PADI6: variants seen among roughly 807,000 people sequenced by gnomAD.
The protein encoded by PADI6 is peptidyl arginine deiminase 6.
PADI6 carries 66 observed loss-of-function variants against 78.2 expected under a neutral mutation model. The ratio of observed to expected loss-of-function variants is 0.84; its 90% CI spans 0.69 to 1.04. The LOEUF (loss-of-function observed/expected upper bound fraction) is 1.04. Among genes scored for constraint, PADI6 ranks in the 50% least tolerant of loss-of-function variants. The probability of loss-of-function intolerance (pLI) is 0.00; values close to 1 mark genes in which losing one functional copy is unlikely to be tolerated. For missense variants in PADI6, 854 were observed against 866.1 expected, an observed-to-expected ratio of 0.99 and a Z score of 0.18; for synonymous variants, 397 against 346.9, an observed-to-expected ratio of 1.14 and a Z score of -1.60.
At chr1:17,398,412 G>C (rs1448210501) in intron 14 of PADI6, among the ~76,000 whole-genome samples, 2 of 152,148 alleles carry the variant, frequency 1.3e-5, no homozygotes, top group African/African-American at 4.8e-5. Flanking sequence ...GGGCTCAGCT[G>C]GTCTGGGTTG....
intron 8 of PADI6, among the ~76,000 whole-genome samples, chr1:17,389,933 CTT>C (rs965269341): frequency 1.3e-5 from 2 of 152,166 alleles, no homozygotes; most frequent in Admixed American, 6.5e-5. Flanking sequence ...TAGGTGAAGG[CTT>C]TTTTGTTTTT....
chr1:17,374,211 C>G (rs2074993463), intron 2 of PADI6, among the ~76,000 whole-genome samples: 1 of 152,024 alleles, frequency 6.6e-6, no homozygotes, highest in Non-Finnish European at 1.5e-5. Flanking sequence ...CTCCCTCCCC[C>G]CACACCCTAC....
intron 14 of PADI6, 32 bp from the exon 15 acceptor site, chr1:17,398,654 G>GGCCCCCCC: frequency 5.8e-6 from 1 of 173,478 alleles, no homozygotes. Context: ...TTGCTCCCCC[G>GGCCCCCCC]CCCCCCCCCC....
chr1:17,400,876 C>A (rs1397163124), intron 15 of PADI6, among the ~76,000 whole-genome samples: 1 of 152,068 alleles, frequency 6.6e-6, no homozygotes, highest in African/African-American at 2.4e-5. Flanking sequence ...ACAAAAGATG[C>A]GCAGCAGTCA....
At chr1:17,394,879 T>C in intron 11 of PADI6, 72 bp from the exon 12 acceptor site, 1 of 1,479,948 alleles carries the variant, frequency 6.8e-7, no homozygotes, top group Non-Finnish European at 9.0e-7. Flanking sequence ...GGAGGCAGCA[T>C]GACACCAAGT....
chr1:17,385,225 T>A (rs978328990), intron 6 of PADI6, among the ~76,000 whole-genome samples: 3 of 152,094 alleles, frequency 2.0e-5, no homozygotes, highest in Admixed American at 2.0e-4. Context: ...TGCTCTGAGG[T>A]CTGGTCGTAG....
At chr1:17,379,887 A>G in intron 3 of PADI6, 33 bp from the exon 4 acceptor site, 1 of 1,603,180 alleles carries the variant, frequency 6.2e-7, no homozygotes, top group African/African-American at 1.3e-5. Context: ...TGGCAGGTCA[A>G]GGTGGCTGGG....
chr1:17,395,942 TAAC>T (rs2075242791), intron 13 of PADI6, among the ~76,000 whole-genome samples: 1 of 152,212 alleles, frequency 6.6e-6, no homozygotes, highest in Non-Finnish European at 1.5e-5. Context: ...AAACGGGTGT[TAAC>T]AATGCTAGTG....
rs746610372 is a variant in PADI6 at position 17,382,118 on chromosome 1, C to T, written c.679+26C>T. ...GTGAGTGTTCTTGTGCCAGCTCCAG[C>T]TTTGCCTGCTCTCGACGTGCCAGGC... is the stretch of plus-strand genomic sequence containing the variant. On this transcript the variant is annotated intron_variant, in intron 6 of 15. Transcript: ENST00000619609. The T allele has an allele frequency of 5.6e-6, 9 of 1,611,210 alleles. No homozygotes were observed. The South Asian group carries it at 8.8e-5, about 16-fold the overall frequency.
intron 1 of PADI6, 42 bp from the exon 2 acceptor site, chr1:17,373,014 G>GGTGC (rs2308230): frequency 6.3e-7 from 1 of 1,587,004 alleles, no homozygotes; most frequent in African/African-American, 1.3e-5. Context: ...AGGCTGAGAA[G>GGTGC]GTGTTTGTGC....
chr1:17,388,234 C>T (rs553990496), intron 6 of PADI6, 147 bp from the exon 7 acceptor site: 116 of 678,986 alleles, frequency 1.7e-4, no homozygotes, highest in East Asian at 7.7e-4. Context: ...ATGCTAGAAA[C>T]GGGGATGGCT....
chr1:17,388,904 T>C, intron 8 of PADI6, 24 bp downstream of exon 8: 1 of 1,588,378 alleles, frequency 6.3e-7, no homozygotes, highest in African/African-American at 1.3e-5. Context: ...AGGCTGACTG[T>C]GCCAGGCGGT....
At chr1:17,388,318 C>T (rs1212924337) in intron 6 of PADI6, 63 bp from the exon 7 acceptor site, 2 of 1,425,444 alleles carry the variant, frequency 1.4e-6, no homozygotes, top group Non-Finnish European at 1.9e-6. Context: ...GGTACCTTGA[C>T]CATCAAATGT....
In PADI6 at chr1:17,381,006, T is replaced by G. The variant is rs780936462; in HGVS notation, c.436-41T>G. The G allele has an allele frequency of 3.4e-5, 50 of 1,492,088 alleles. No homozygotes were observed. The Middle Eastern group carries it at 9.1e-4, about 27-fold the overall frequency. The allele number at this position is 1,492,088 out of a possible 1,614,324, so 92.4% of individuals were successfully genotyped here. A position where few individuals can be genotyped will look rare whatever the true frequency, so the allele number is the denominator to read the frequency against. On this transcript the variant is annotated intron_variant, in intron 4 of 15. Transcript: ENST00000619609. The stretch of plus-strand genomic sequence containing the variant: ...GTGCATCCGAGAAACAGAAGATTTA[T>G]TTGGCTCCTTCCTGAGCCAATGTTC...
At chr1:17,372,599 G>A (rs140041530) in intron 1 of PADI6, among the ~76,000 whole-genome samples, 7 of 152,254 alleles carry the variant, frequency 4.6e-5, no homozygotes, top group African/African-American at 1.4e-4. Context: ...CAAGGGCCTT[G>A]GCCTCTCTGT....
intron 10 of PADI6, 38 bp downstream of exon 10, chr1:17,394,120 A>G (rs1191411561): frequency 1.9e-6 from 3 of 1,590,890 alleles, no homozygotes; most frequent in Admixed American, 3.3e-5. Context: ...GCTCAGTCCA[A>G]TCTCTCAGGC....
At chr1:17,372,581 TAGTG>T (rs1367127619) in intron 1 of PADI6, among the ~76,000 whole-genome samples, 1 of 152,108 alleles carries the variant, frequency 6.6e-6, no homozygotes, top group Admixed American at 6.5e-5. Flanking sequence ...CATGGACTCT[TAGTG>T]AGGCAAGGGC....
At chr1:17,379,665 G>A (rs1441518000) in intron 3 of PADI6, among the ~76,000 whole-genome samples, 1 of 152,222 alleles carries the variant, frequency 6.6e-6, no homozygotes, top group Non-Finnish European at 1.5e-5. Flanking sequence ...GAGATGGCAT[G>A]AGAGGACCAT....
intron 13 of PADI6, 79 bp from the exon 14 acceptor site, chr1:17,396,992 G>T: frequency 1.4e-6 from 2 of 1,431,940 alleles, no homozygotes; most frequent in Non-Finnish European, 1.9e-6. Flanking sequence ...AGGTGGCTGG[G>T]CCTGGCCCGA....
Sources: allele counts gnomAD v4.1 joint callset (sites outside exome capture counted in the v4.1 genomes callset), GRCh38; gene constraint gnomAD v4.1.1; transcripts MANE v1.5; gene names NCBI Gene and HGNC (gene_info 2026-07-23, HGNC 2026-07-21).